DENND5B: variants seen among roughly 807,000 people sequenced by gnomAD.
DENND5B encodes the protein DENN domain containing 5B.
Under a neutral mutation model 140.6 loss-of-function variants are expected in DENND5B, and 34 were observed. That is an observed-to-expected ratio of 0.24 (90% CI 0.18 to 0.32). The LOEUF is 0.32. Ranked by LOEUF, DENND5B falls within the 10% of genes least tolerant of loss-of-function variation. The pLI is 1.00. For synonymous variants in DENND5B, 551 were observed against 562.1 expected (o/e 0.98, Z 0.28); for missense variants, 1,142 against 1,560.2 (o/e 0.73, Z 4.52).
At chr12:31,448,829 T>C (rs779364314) in intron 5 of DENND5B, among the ~76,000 whole-genome samples, 19 of 151,062 alleles carry the variant, frequency 1.3e-4, no homozygotes, top group South Asian at 2.1e-4. Flanking sequence ...TAAAGAAACA[T>C]AGTGAAACCG....
chr12:31,445,151 G>T (rs1593182409), intron 6 of DENND5B, among the ~76,000 whole-genome samples: 1 of 152,156 alleles, frequency 6.6e-6, no homozygotes, highest in Non-Finnish European at 1.5e-5. Context: ...CAGGTGATAG[G>T]TATCTGCTTA....
chr12:31,508,055 T>C lies in DENND5B; in HGVS notation c.128-12136A>G, dbSNP rs566048663. On this transcript the variant is annotated intron_variant, in intron 1 of 20. Coordinates refer to ENST00000389082, the MANE Select transcript of DENND5B (RefSeq NM_144973.4). ...AATCTTTCCCCATTACTAAAGAACA[T>C]ATTCTTTGCTAAAGAGACACCAAGA... is the stretch of plus-strand genomic sequence containing the variant. Among the ~76,000 whole-genome samples, 4 of 152,154 alleles carry C rather than the reference T, an allele frequency of 2.6e-5. No individual in the cohort carries two copies. In the East Asian group the frequency reaches 7.7e-4, roughly 29 times the overall value.
At chr12:31,448,270 GACTAC>G in intron 5 of DENND5B, among the ~76,000 whole-genome samples, 1 of 152,226 alleles carries the variant, frequency 6.6e-6, no homozygotes, top group East Asian at 1.9e-4. Flanking sequence ...GAGTAGCTGG[GACTAC>G]AGGCGCCTGC....
chr12:31,443,179 G>A (rs377296917), intron 6 of DENND5B, among the ~76,000 whole-genome samples: 4 of 152,108 alleles, frequency 2.6e-5, no homozygotes, highest in Non-Finnish European at 5.9e-5. Flanking sequence ...GGGTTCAAAC[G>A]ATCCTCCTGC....
At position 31,385,273 on chromosome 12, in the gene DENND5B, A is replaced by C. The variant is rs1355190509; in HGVS notation, c.*2330T>G. On this transcript the variant is annotated 3_prime_UTR_variant, in exon 21 of 21. Coordinates refer to ENST00000389082, the MANE Select transcript of DENND5B (RefSeq NM_144973.4). ...TCAGTCTCATGCAGCCTGGTGAAAT[A>C]AAACAAACAAACAAACATGAATTCT... 3 of 152,164 alleles carry C rather than the reference A, an allele frequency of 2.0e-5. No homozygotes were observed. The highest frequency in any genetic ancestry group is 4.4e-5 in the Non-Finnish European group (3 of 68,064). 9.4% of individuals were successfully genotyped at this position (152,164 alleles called of 1,614,324 possible). A position where few individuals can be genotyped will look rare whatever the true frequency, so the allele number is the denominator to read the frequency against.
At chr12:31,510,927 C>T (rs900931777) in intron 1 of DENND5B, among the ~76,000 whole-genome samples, 7 of 152,118 alleles carry the variant, frequency 4.6e-5, no homozygotes, top group Non-Finnish European at 7.4e-5. Context: ...GGCTCCTACA[C>T]ATCTTTAAGA....
At chr12:31,511,385 C>G (rs1022140804) in intron 1 of DENND5B, among the ~76,000 whole-genome samples, 1 of 152,078 alleles carries the variant, frequency 6.6e-6, no homozygotes, top group South Asian at 2.1e-4. Flanking sequence ...AATTCCATAG[C>G]TTAATTTTTA....
At chr12:31,584,376 A>G (rs1950317116) in intron 1 of DENND5B, among the ~76,000 whole-genome samples, 1 of 152,210 alleles carries the variant, frequency 6.6e-6, no homozygotes, top group Non-Finnish European at 1.5e-5. Flanking sequence ...CAGAGAATTT[A>G]GCTTCACTCA....
intron 1 of DENND5B, among the ~76,000 whole-genome samples, chr12:31,507,579 G>T (rs550046397): frequency 1.3e-5 from 2 of 152,214 alleles, no homozygotes; most frequent in Non-Finnish European, 2.9e-5. Context: ...CAAAGTTTTT[G>T]ATCCTAGCCC....
intron 4 of DENND5B, among the ~76,000 whole-genome samples, chr12:31,454,824 T>C (rs1944698298): frequency 1.1e-5 from 1 of 90,814 alleles, no homozygotes; most frequent in East Asian, 4.4e-4. Context: ...TTTTTTTTTT[T>C]TTTTTTTTTT....
intron 14 of DENND5B, among the ~76,000 whole-genome samples, chr12:31,407,595 G>C (rs1942200593): frequency 6.6e-6 from 1 of 152,062 alleles, no homozygotes; most frequent in African/African-American, 2.4e-5. Flanking sequence ...CACAATTCTG[G>C]CCAGTGAAAT....
chr12:31,549,570 A>G (rs1948970422), intron 1 of DENND5B, among the ~76,000 whole-genome samples: 1 of 151,842 alleles, frequency 6.6e-6, no homozygotes, highest in South Asian at 2.1e-4. Flanking sequence ...TCCAGGGTAC[A>G]GGTGCAGGAT....
intron 2 of DENND5B, among the ~76,000 whole-genome samples, chr12:31,483,187 C>T (rs547097677): frequency 6.6e-6 from 1 of 152,324 alleles, no homozygotes; most frequent in South Asian, 2.1e-4. Flanking sequence ...GACACTTCCC[C>T]ATTAAGAAGT....
At chr12:31,522,286 ACTT>A (rs1947924367) in intron 1 of DENND5B, among the ~76,000 whole-genome samples, 1 of 152,160 alleles carries the variant, frequency 6.6e-6, no homozygotes, top group Non-Finnish European at 1.5e-5. Flanking sequence ...ACCTTTGGAA[ACTT>A]CTTAGGAAAG....
chr12:31,462,531 T>C (rs949337874), intron 3 of DENND5B, among the ~76,000 whole-genome samples: 1 of 152,054 alleles, frequency 6.6e-6, no homozygotes, highest in African/African-American at 2.4e-5. Flanking sequence ...AAGGACAGAG[T>C]GGCATCCACT....
rs71460995 is a variant in DENND5B, at chr12:31,587,526, C to CTTT, written c.127+3177_127+3179dup. Among the ~76,000 whole-genome samples, 51 of 75,036 alleles carry CTTT rather than the reference C, an allele frequency of 6.8e-4. 14 individuals carry two copies. Among genetic ancestry groups the CTTT allele is most frequent in the South Asian group, 1.1e-3 (2 of 1,750 alleles). 49.2% of individuals were successfully genotyped at this position (75,036 alleles called of 152,430 possible). On this transcript the variant is annotated intron_variant, in intron 1 of 20. Transcript: ENST00000389082. Reference sequence around the variant, plus strand: ...CAACAACTTCTCTCACCACAAATACCTTTTTTTTTTTTTTTTTTTTTTTTT... The same window carrying CTTT: ...CAACAACTTCTCTCACCACAAATACCTTTTTTTTTTTTTTTTTTTTTTTTTTTT...
intron 1 of DENND5B, among the ~76,000 whole-genome samples, chr12:31,574,295 A>AATAATTATTATTATT (rs374578025): frequency 5.8e-4 from 84 of 144,572 alleles, no homozygotes; most frequent in African/African-American, 2.0e-3. Context: ...TAATAATAAT[A>AATAATTATTATTATT]ATTTAAAAGG....
chr12:31,400,835 G>C (rs1199517228), intron 15 of DENND5B, among the ~76,000 whole-genome samples: 1 of 117,158 alleles, frequency 8.5e-6, no homozygotes, highest in Non-Finnish European at 1.7e-5. Context: ...TTAGAGCTAC[G>C]AGTTTTTTTT....
chr12:31,406,751 T>C (rs1205504436), intron 14 of DENND5B, among the ~76,000 whole-genome samples: 3 of 152,188 alleles, frequency 2.0e-5, no homozygotes, highest in Non-Finnish European at 4.4e-5. Context: ...GTTACTCAGA[T>C]GAAGAGAAAT....
Sources: allele counts gnomAD v4.1 joint callset (sites outside exome capture counted in the v4.1 genomes callset), GRCh38; gene constraint gnomAD v4.1.1; transcripts MANE v1.5; gene names NCBI Gene and HGNC (gene_info 2026-07-23, HGNC 2026-07-21).